The following DYSF variants were observed in gnomAD, a reference collection of about 807,000 sequenced individuals.
DYSF encodes the protein dysferlin.
DYSF carries 212 observed loss-of-function variants against 274.9 expected under a neutral mutation model. The observed-to-expected ratio is 0.77, with a 90% CI of 0.69 to 0.86. DYSF has a LOEUF of 0.86. Among genes scored for constraint, DYSF ranks in the 40% least tolerant of loss-of-function variants. DYSF has a pLI of 0.00. For missense variants in DYSF, 2,666 were observed against 2,783.2 expected (o/e 0.96, Z 0.95); for synonymous variants, 1,091 against 1,078.7 (o/e 1.01, Z -0.22).
chr2:71,574,457 G>C, intron 30 of DYSF, 86 bp downstream of exon 30: 1 of 1,519,660 alleles, frequency 6.6e-7, no homozygotes, highest in Non-Finnish European at 8.9e-7. Context: ...AGAGGCACAG[G>C]GACCCCAGGT....
At chr2:71,554,745 C>T (rs536239879) in intron 21 of DYSF, among the ~76,000 whole-genome samples, 1 of 152,274 alleles carries the variant, frequency 6.6e-6, no homozygotes, top group South Asian at 2.1e-4. Flanking sequence ...CATATGAGGT[C>T]AGGTTCTGTT....
At chr2:71,467,610 C>T (rs1264726751) in intron 1 of DYSF, among the ~76,000 whole-genome samples, 1 of 152,154 alleles carries the variant, frequency 6.6e-6, no homozygotes, top group African/African-American at 2.4e-5. Context: ...CCCCCTCCCC[C>T]AACCCCTCCA....
rs917688073 is a variant in DYSF at position 71,574,307 on chromosome 2, G to A, written c.3338G>A (p.Arg1113His). ...GATGCCTTCCGCCGCCGCCGCTGGC[G>A]CCGTCGCATGGAGCCACTGGAGAAG... ...KTDAFRRRRW[R>H]RRMEPLEKTG... is the part of the protein sequence containing the mutation. The change falls in exon 30 of 56, where the codon CGC (arginine) becomes CAC (histidine). Residue 1113 changes from arginine (R) to histidine (H), a missense_variant. Transcript: ENST00000410020. 14 of 1,613,970 alleles carry A rather than the reference G, an allele frequency of 8.7e-6. No homozygotes were observed. Among genetic ancestry groups the A allele is most frequent in the East Asian group, 2.2e-5 (1 of 44,896 alleles).
At chr2:71,606,398 C>T (rs1013540121) in intron 36 of DYSF, among the ~76,000 whole-genome samples, 2 of 152,108 alleles carry the variant, frequency 1.3e-5, no homozygotes, top group African/African-American at 2.4e-5. Context: ...TATCAGAGTC[C>T]TCCATCAACC....
At chr2:71,585,718 A>G (rs377572168) in intron 30 of DYSF, among the ~76,000 whole-genome samples, 5 of 152,100 alleles carry the variant, frequency 3.3e-5, no homozygotes, top group African/African-American at 1.2e-4. Context: ...TTGTTCACCA[A>G]TGATGTGTTG....
At chr2:71,492,298 C>G (rs1049483751) in intron 3 of DYSF, among the ~76,000 whole-genome samples, 2 of 152,158 alleles carry the variant, frequency 1.3e-5, no homozygotes, top group African/African-American at 2.4e-5. Context: ...TGTTTCCTGC[C>G]CCTCACTGCC....
At chr2:71,656,318 A>T in intron 43 of DYSF, 28 bp downstream of exon 43, 1 of 1,612,794 alleles carries the variant, frequency 6.2e-7, no homozygotes, top group Non-Finnish European at 8.5e-7. Context: ...TCCCTAACCC[A>T]GGTGGGCCTA....
intron 17 of DYSF, among the ~76,000 whole-genome samples, chr2:71,542,765 C>G (rs1398155749): frequency 1.3e-5 from 2 of 152,172 alleles, no homozygotes; most frequent in African/African-American, 4.8e-5. Context: ...TCTCCTATGC[C>G]CACTTCTCTC....
At chr2:71,524,087 C>T (rs1324723254) in intron 12 of DYSF, among the ~76,000 whole-genome samples, 2 of 152,174 alleles carry the variant, frequency 1.3e-5, no homozygotes, top group African/African-American at 4.8e-5. Flanking sequence ...CCTCTCTAGC[C>T]TTTTCCCCTG....
intron 14 of DYSF, among the ~76,000 whole-genome samples, chr2:71,531,248 C>A (rs80110340): frequency 1.2e-4 from 19 of 152,028 alleles, no homozygotes; most frequent in African/African-American, 4.3e-4. Flanking sequence ...TGTTACCTCC[C>A]CTCTTCCCAC....
At position 71,611,514 on chromosome 2, in the gene DYSF, TCTC is replaced by T. The variant is rs398123785; in HGVS notation, c.4114_4116del (p.Ser1372del). Reference sequence around the variant, plus strand: ...ATGAAGAGTTACCAGCTGGCCAACATCTCCTCCCCCAGCCTCGTGGTAGAGTGT... The same window carrying T: ...ATGAAGAGTTACCAGCTGGCCAACATCTCCCCCAGCCTCGTGGTAGAGTGT... On this transcript the variant is annotated inframe_deletion, in exon 38 of 56. Transcript: ENST00000410020. The T allele has an allele frequency of 1.9e-6, 3 of 1,614,044 alleles. No homozygotes were observed. The highest frequency in any genetic ancestry group is 2.2e-5 in the South Asian group (2 of 91,076).
intron 22 of DYSF, among the ~76,000 whole-genome samples, chr2:71,556,765 T>A (rs1250524068): frequency 1.3e-5 from 2 of 152,244 alleles, no homozygotes; most frequent in Non-Finnish European, 2.9e-5. Flanking sequence ...GGGAAGCTTC[T>A]CTTCTCTGGA....
At chr2:71,509,178 G>A (rs1373292948) in intron 4 of DYSF, among the ~76,000 whole-genome samples, 3 of 151,032 alleles carry the variant, frequency 2.0e-5, no homozygotes, top group Non-Finnish European at 4.4e-5. Context: ...TTTTGTTTTT[G>A]TTTTGAGACT....
At chr2:71,532,375 G>A (rs912540751) in intron 14 of DYSF, among the ~76,000 whole-genome samples, 1 of 152,148 alleles carries the variant, frequency 6.6e-6, no homozygotes, top group African/African-American at 2.4e-5. Context: ...CAGAGAGAGT[G>A]TACTAATAAT....
rs547130040 is a variant in DYSF at position 71,586,701 on chromosome 2, G to A, written c.3403-2892G>A. On this transcript the variant is annotated intron_variant, in intron 30 of 55. Transcript: ENST00000410020. ...TGCTGACAGGGGCCCAGTGAGGGGG[G>A]CCATCTAGAGGAGGTGCCTGGTGAG... Among the ~76,000 whole-genome samples the A allele has an allele frequency of 1.1e-4, 17 of 152,142 alleles. No individual in the cohort carries two copies. The South Asian group carries it at 1.9e-3, about 17-fold the overall frequency.
intron 1 of DYSF, among the ~76,000 whole-genome samples, chr2:71,472,896 C>T (rs1481150182): frequency 6.6e-6 from 1 of 152,104 alleles, no homozygotes; most frequent in Non-Finnish European, 1.5e-5. Flanking sequence ...AGTATCTTCT[C>T]CAGTTCTGTT....
At chr2:71,624,205 C>A (rs79205452) in intron 41 of DYSF, among the ~76,000 whole-genome samples, 74 of 152,318 alleles carry the variant, frequency 4.9e-4, no homozygotes, top group African/African-American at 1.7e-3. Context: ...TACAACCCAG[C>A]TCATCTTCTG....
At chr2:71,644,594 A>G (rs995274365) in intron 42 of DYSF, among the ~76,000 whole-genome samples, 1 of 152,212 alleles carries the variant, frequency 6.6e-6, no homozygotes, top group Non-Finnish European at 1.5e-5. Flanking sequence ...CCAGAAAATT[A>G]CCTACAAATC....
chr2:71,585,326 G>A (rs532229582), intron 30 of DYSF, among the ~76,000 whole-genome samples: 1 of 152,314 alleles, frequency 6.6e-6, no homozygotes, highest in South Asian at 2.1e-4. Context: ...TCAACAGGTC[G>A]GGCAGGGATG....
Sources: gnomAD v4.1 joint callset for allele counts (sites outside exome capture counted in the v4.1 genomes callset) on GRCh38, gnomAD v4.1.1 for gene constraint, MANE v1.5 for transcripts, NCBI Gene and HGNC (gene_info 2026-07-23, HGNC 2026-07-21) for gene names.